KCNQ1: variants seen among roughly 807,000 people sequenced by gnomAD.
The protein encoded by KCNQ1 is potassium voltage-gated channel subfamily Q member 1, also known as potassium voltage-gated channel subfamily KQT member 1.
Under a neutral mutation model 72.4 loss-of-function variants are expected in KCNQ1, and 49 were observed. The ratio of observed to expected loss-of-function variants is 0.68; its 90% CI spans 0.54 to 0.86. The LOEUF is 0.86. Among genes scored for constraint, KCNQ1 ranks in the 40% least tolerant of loss-of-function variants. The pLI is 0.00. For missense variants in KCNQ1, 790 were observed against 945.1 expected (o/e 0.84, Z 2.15); for synonymous variants, 450 against 412.6 (o/e 1.09, Z -1.10).
Position 2,682,662 on chromosome 11 carries a change from A to C in KCNQ1, c.1514+20581A>C, listed in dbSNP as rs183794958. On this transcript the variant is annotated intron_variant, in intron 11 of 15. Transcript: ENST00000155840. This position sits in a 1 kb window ranked among gnomAD's most constrained non-coding sequence, Gnocchi z 5.8. ...CCCTGCTTCCCCAGGGCTCATGTCC[A>C]CATGCTATTGTCCATAGAAGCTGGG... 1.6e-4 allele frequency: 63 copies of C among 398,626 alleles called. No individual in the cohort carries two copies. The East Asian group carries it at 2.2e-3, about 14-fold the overall frequency. 24.7% of individuals were successfully genotyped at this position (398,626 alleles called of 1,614,324 possible).
chr11:2,457,288 C>A lies in KCNQ1; in HGVS notation c.386+11804C>A, dbSNP rs1846210274. ...GAACTACCATTCGATCCAGCAGTCC[C>A]GTGTGCTGAGTTTATACCCAAAGAA... is the stretch of plus-strand genomic sequence containing the variant. On this transcript the variant is annotated intron_variant, in intron 1 of 15. Coordinates refer to ENST00000155840, the MANE Select transcript of KCNQ1 (RefSeq NM_000218.3). The surrounding 1 kb of genome is among the most constrained non-coding windows in gnomAD (Gnocchi z 5.0). Among the ~76,000 whole-genome samples, 1 of 152,186 alleles carries A rather than the reference C, an allele frequency of 6.6e-6. No individual in the cohort carries two copies. The highest frequency in any genetic ancestry group is 1.5e-5 in the Non-Finnish European group (1 of 68,042).
rs1389532765 is a variant in KCNQ1 at position 2,602,815 on chromosome 11, A to G, written c.1393+13961A>G. The stretch of plus-strand genomic sequence containing the variant: ...TTTGGGAGATGTTTATATATTCTAG[A>G]TACTTATCTTAAGTCAGAAACAGGG... On this transcript the variant is annotated intron_variant, in intron 10 of 15. Coordinates refer to ENST00000155840, the MANE Select transcript of KCNQ1 (RefSeq NM_000218.3). The surrounding 1 kb of genome is among the most constrained non-coding windows in gnomAD (Gnocchi z 4.8). Among the ~76,000 whole-genome samples, 2 of 152,202 alleles carry G rather than the reference A, an allele frequency of 1.3e-5. No homozygotes were observed. Among genetic ancestry groups the G allele is most frequent in the Non-Finnish European group, 2.9e-5 (2 of 68,034 alleles).
At position 2,477,734 on chromosome 11, in the gene KCNQ1, T is replaced by TAA. The variant is rs35412197; in HGVS notation, c.386+32263_386+32264dup. Among the ~76,000 whole-genome samples, 274 of 141,600 alleles carry TAA rather than the reference T, an allele frequency of 1.9e-3. 1 individual carries two copies. Among genetic ancestry groups the TAA allele is most frequent in the Non-Finnish European group, 2.6e-3 (166 of 64,582 alleles). 92.9% of individuals were successfully genotyped at this position (141,600 alleles called of 152,430 possible). A position where few individuals can be genotyped will look rare whatever the true frequency, so the allele number is the denominator to read the frequency against. On this transcript the variant is annotated intron_variant, in intron 1 of 15. Coordinates refer to ENST00000155840, the MANE Select transcript of KCNQ1 (RefSeq NM_000218.3). This position sits in a 1 kb window ranked among gnomAD's most constrained non-coding sequence, Gnocchi z 5.0. ...ATAGTGAGACCCCATCTCTTTTTAT[T>TAA]AAAAAAAAAAAAAAGACCATACATA...
chr11:2,754,809 A>C (rs1846274494), intron 11 of KCNQ1, among the ~76,000 whole-genome samples: 2 of 152,228 alleles, frequency 1.3e-5, no homozygotes, highest in Non-Finnish European at 2.9e-5. Flanking sequence ...TTTATTTTAC[A>C]AGACACAAAA....
Position 2,445,346 on chromosome 11 carries a change from C to T in KCNQ1, c.248C>T (p.Pro83Leu). The T allele has an allele frequency of 6.3e-7, 1 of 1,592,968 alleles. No individual in the cohort carries two copies. Among genetic ancestry groups the T allele is most frequent in the Non-Finnish European group, 8.5e-7 (1 of 1,177,382 alleles). ...PPVASDLGPR[P>L]PVSLDPRVSI... ...GTTGCCTCCGACCTTGGCCCGCGGCCGCCGGTGAGCCTAGACCCGCGCGTC... is the reference window on the plus strand; with the variant it reads ...GTTGCCTCCGACCTTGGCCCGCGGCTGCCGGTGAGCCTAGACCCGCGCGTC... The change falls in exon 1 of 16, where the codon CCG becomes CTG. Residue 83 changes from proline to leucine, a missense_variant. This residue lies in a region of KCNQ1 where 294 missense variants were observed against 323.3 expected (regional missense o/e 0.91). Transcript: ENST00000155840.
chr11:2,497,627 G>A lies in KCNQ1; in HGVS notation c.387-30301G>A, dbSNP rs1846944274. ...GGTTAGAACATGCTTCTCTAGCTCAGAGGAATTTGTTATTACCCACCTTCT... is the reference window on the plus strand; with the variant it reads ...GGTTAGAACATGCTTCTCTAGCTCAAAGGAATTTGTTATTACCCACCTTCT... On this transcript the variant is annotated intron_variant, in intron 1 of 15. Coordinates refer to ENST00000155840, the MANE Select transcript of KCNQ1 (RefSeq NM_000218.3). This position sits in a 1 kb window ranked among gnomAD's most constrained non-coding sequence, Gnocchi z 4.5. Among the ~76,000 whole-genome samples the A allele has an allele frequency of 6.6e-6, 1 of 152,162 alleles. No homozygotes were observed. The highest frequency in any genetic ancestry group is 2.1e-4 in the South Asian group (1 of 4,830).
intron 11 of KCNQ1, chr11:2,694,553 T>G (rs903111899): frequency 2.5e-5 from 10 of 398,522 alleles, no homozygotes; most frequent in Non-Finnish European, 3.5e-5. Context: ...GCTATTTGCT[T>G]TCTCACTGAG....
chr11:2,501,298 G>C (rs2133643939), intron 1 of KCNQ1, among the ~76,000 whole-genome samples: 1 of 146,870 alleles, frequency 6.8e-6, no homozygotes, highest in East Asian at 2.0e-4. Context: ...ACTAAGAAAA[G>C]AAGAGGGAAG....
chr11:2,803,877 C>T lies in KCNQ1; in HGVS notation c.1794+25840C>T, dbSNP rs1847322727. 6.6e-6 allele frequency among the ~76,000 whole-genome samples: 1 copy of T among 152,152 alleles called. No homozygotes were observed. Among genetic ancestry groups the T allele is most frequent in the Admixed American group, 6.5e-5 (1 of 15,284 alleles). On this transcript the variant is annotated intron_variant, in intron 15 of 15. Coordinates refer to ENST00000155840, the MANE Select transcript of KCNQ1 (RefSeq NM_000218.3). The surrounding 1 kb of genome is among the most constrained non-coding windows in gnomAD (Gnocchi z 6.4). ...ATGCACACTCAGGTACTCAGGACAC[C>T]CCACACCAGCCATTGGATGGGGCCG...
In KCNQ1 at chr11:2,723,098, G is replaced by A. The variant is rs191434579; in HGVS notation, c.1515-45746G>A. 7.4e-4 allele frequency among the ~76,000 whole-genome samples: 112 copies of A among 152,342 alleles called. No homozygotes were observed. The highest frequency in any genetic ancestry group is 2.5e-3 in the African/African-American group (103 of 41,576). ...GGAGAGGACAGGGGGGATCCCAGAC[G>A]GATCCTGAAAACAGGCTCCGCCTTC... On this transcript the variant is annotated intron_variant, in intron 11 of 15. Transcript: ENST00000155840. This position sits in a 1 kb window ranked among gnomAD's most constrained non-coding sequence, Gnocchi z 4.2.
intron 11 of KCNQ1, among the ~76,000 whole-genome samples, chr11:2,732,135 C>G (rs540853162): frequency 6.6e-6 from 1 of 152,344 alleles, no homozygotes; most frequent in South Asian, 2.1e-4. Flanking sequence ...TCTGTCGACT[C>G]CATTTGCTCT....
rs1564820836 is a variant in KCNQ1 at position 2,572,110 on chromosome 11, G to A, written c.780+1G>A. Reference sequence around the variant, plus strand: ...CTCCGTGGTCTTCATCCACCGCCAGGTGGGTGGCCCGGGTTAGGGGTGCGG... The same window carrying A: ...CTCCGTGGTCTTCATCCACCGCCAGATGGGTGGCCCGGGTTAGGGGTGCGG... On this transcript the variant is annotated splice_donor_variant, in intron 5 of 15. Transcript: ENST00000155840. LOFTEE classifies it high-confidence loss of function. 6.2e-7 allele frequency: 1 copy of A among 1,611,252 alleles called. No individual in the cohort carries two copies. The highest frequency in any genetic ancestry group is 2.2e-5 in the East Asian group (1 of 44,858).
rs772763880 is a variant in KCNQ1, at chr11:2,483,879, T to C, written c.386+38395T>C. Among the ~76,000 whole-genome samples the C allele has an allele frequency of 9.2e-5, 14 of 152,184 alleles. No individual in the cohort carries two copies. Among genetic ancestry groups the C allele is most frequent in the Non-Finnish European group, 1.5e-4 (10 of 68,030 alleles). ...TAGTAAACACCTTGAGGAAGCTACATTGAGACATTGCAGCTGCCTTTTTTC... is the reference window on the plus strand; with the variant it reads ...TAGTAAACACCTTGAGGAAGCTACACTGAGACATTGCAGCTGCCTTTTTTC... On this transcript the variant is annotated intron_variant, in intron 1 of 15. Transcript: ENST00000155840. The surrounding 1 kb of genome is among the most constrained non-coding windows in gnomAD (Gnocchi z 6.1).
rs1335829666 is a variant in KCNQ1, at chr11:2,652,705, C to G, written c.1394-9256C>G. On this transcript the variant is annotated intron_variant, in intron 10 of 15. Transcript: ENST00000155840. This position sits in a 1 kb window ranked among gnomAD's most constrained non-coding sequence, Gnocchi z 5.9. ...TGTGGGTGGCTGTGTTGCTCTCTTT[C>G]CGTTTCCTGGGCTCACTCACGCTCA... The G allele has an allele frequency of 2.3e-5, 9 of 398,782 alleles. No homozygotes were observed. The highest frequency in any genetic ancestry group is 4.0e-5 in the Non-Finnish European group (9 of 226,320). 24.7% of individuals were successfully genotyped at this position (398,782 alleles called of 1,614,324 possible). A position where few individuals can be genotyped will look rare whatever the true frequency, so the allele number is the denominator to read the frequency against.
chr11:2,449,544 C>T (rs1369145210), intron 1 of KCNQ1, among the ~76,000 whole-genome samples: 1 of 152,034 alleles, frequency 6.6e-6, no homozygotes, highest in South Asian at 2.1e-4. Flanking sequence ...ATGAGTTCTG[C>T]CACGTGCCAT....
rs1306450045 is a variant in KCNQ1 at position 2,508,330 on chromosome 11, C to T, written c.387-19598C>T. ...GATATGTCTTGGAAAGACTTTAGGC[C>T]AGGAGCCCATCATTGTCCTGGAACC... is the stretch of plus-strand genomic sequence containing the variant. On this transcript the variant is annotated intron_variant, in intron 1 of 15. Transcript: ENST00000155840. This position sits in a 1 kb window ranked among gnomAD's most constrained non-coding sequence, Gnocchi z 6.2. Among the ~76,000 whole-genome samples the T allele has an allele frequency of 6.6e-6, 1 of 152,180 alleles. No homozygotes were observed. The highest frequency in any genetic ancestry group is 1.5e-5 in the Non-Finnish European group (1 of 68,024).
In KCNQ1 at chr11:2,766,326, T is replaced by A. The variant is rs1846497264; in HGVS notation, c.1515-2518T>A. Among the ~76,000 whole-genome samples the A allele has an allele frequency of 1.3e-5, 2 of 152,212 alleles. No individual in the cohort carries two copies. Among genetic ancestry groups the A allele is most frequent in the Admixed American group, 1.3e-4 (2 of 15,284 alleles). ...CGATGACATGGCAGTACTTGCATGGTGATGTGGTGGTGGCTGAGTGGTCTC... is the reference window on the plus strand; with the variant it reads ...CGATGACATGGCAGTACTTGCATGGAGATGTGGTGGTGGCTGAGTGGTCTC... On this transcript the variant is annotated intron_variant, in intron 11 of 15. Transcript: ENST00000155840. The surrounding 1 kb of genome is among the most constrained non-coding windows in gnomAD (Gnocchi z 4.4).
chr11:2,632,249 T>G, intron 10 of KCNQ1: 1 of 398,528 alleles, frequency 2.5e-6, no homozygotes, highest in East Asian at 3.6e-5. Context: ...CCTGCTACTT[T>G]GCTGAATTAA....
In KCNQ1 at chr11:2,475,349, G is replaced by T. The variant is rs1846554749; in HGVS notation, c.386+29865G>T. 6.6e-6 allele frequency among the ~76,000 whole-genome samples: 1 copy of T among 152,180 alleles called. No homozygotes were observed. The highest frequency in any genetic ancestry group is 2.1e-4 in the South Asian group (1 of 4,826). On this transcript the variant is annotated intron_variant, in intron 1 of 15. Transcript: ENST00000155840. This position sits in a 1 kb window ranked among gnomAD's most constrained non-coding sequence, Gnocchi z 5.8. ...TTTCTGAGCTGAGTAGTGGTCTGTG[G>T]TGTGGATGGACTACGTGCAGCTGTC...
Sources: gnomAD v4.1 joint callset for allele counts (sites outside exome capture counted in the v4.1 genomes callset) on GRCh38, gnomAD v4.1.1 for gene constraint, gnomAD v4.1.1 regional missense constraint, Gnocchi (gnomAD v3.1) non-coding constraint, MANE v1.5 for transcripts, NCBI Gene and HGNC (gene_info 2026-07-23, HGNC 2026-07-21) for gene names.